The following GRID2 variants were observed in gnomAD, a reference collection of about 807,000 sequenced individuals.
The protein encoded by GRID2 is glutamate receptor ionotropic, delta-2.
A neutral mutation model predicts 114.8 loss-of-function variants in GRID2; 33 were observed. The observed-to-expected ratio is 0.29, with a 90% CI of 0.22 to 0.38. The LOEUF is 0.38. Ranked by LOEUF, GRID2 falls within the 10% of genes least tolerant of loss-of-function variation. The pLI is 1.00. For missense variants in GRID2, 1,184 were observed against 1,257.7 expected (o/e 0.94, Z 0.89); for synonymous variants, 505 against 449.9 (o/e 1.12, Z -1.55).
At chr4:93,084,714 T>A (rs1730177400) in intron 2 of GRID2, among the ~76,000 whole-genome samples, 2 of 152,202 alleles carry the variant, frequency 1.3e-5, no homozygotes, top group South Asian at 4.1e-4. Flanking sequence ...CTTGCAATAA[T>A]CCTGCGAGAT....
chr4:93,335,752 G>A (rs543648945), intron 8 of GRID2, among the ~76,000 whole-genome samples: 182 of 146,426 alleles, frequency 1.2e-3, no homozygotes, highest in African/African-American at 4.3e-3. Context: ...CTGCAGTGCA[G>A]TGGCATGACA....
At chr4:93,208,326 A>G (rs552804431) in intron 5 of GRID2, among the ~76,000 whole-genome samples, 1 of 152,074 alleles carries the variant, frequency 6.6e-6, no homozygotes, top group East Asian at 1.9e-4. Context: ...CTTAACATGG[A>G]TATCAGCTTC....
intron 8 of GRID2, among the ~76,000 whole-genome samples, chr4:93,365,664 C>A (rs1457796707): frequency 6.6e-6 from 1 of 152,094 alleles, no homozygotes. Flanking sequence ...AATAAGAGAA[C>A]AAAGTCTCTG....
Position 92,928,375 on chromosome 4 carries a change from A to G in GRID2, c.245-156620A>G, listed in dbSNP as rs539000766. 2.0e-5 allele frequency among the ~76,000 whole-genome samples: 3 copies of G among 151,826 alleles called. No homozygotes were observed. The South Asian group carries it at 6.2e-4, about 31-fold the overall frequency. ...TCATGATATTTAGAAGTAGATATGT[A>G]GAGAATGTAGTCAACTCAGCAATAA... On this transcript the variant is annotated intron_variant, in intron 2 of 15. Transcript: ENST00000282020.
intron 2 of GRID2, among the ~76,000 whole-genome samples, chr4:92,637,855 C>A (rs1467995333): frequency 6.6e-6 from 1 of 151,918 alleles, no homozygotes; most frequent in African/African-American, 2.4e-5. Flanking sequence ...GGACAAGAGT[C>A]CATGTTTTCA....
At position 92,448,750 on chromosome 4, in the gene GRID2, A is replaced by T. The variant is rs1733600676; in HGVS notation, c.89-141381A>T. Among the ~76,000 whole-genome samples the T allele has an allele frequency of 3.9e-5, 6 of 152,282 alleles. No individual in the cohort carries two copies. The South Asian group carries it at 1.0e-3, about 26-fold the overall frequency. ...ATTAAAATCAAATAAATGAGGTAAA[A>T]ATTATGTAAGATATATTTGGGTAAA... is the stretch of plus-strand genomic sequence containing the variant. On this transcript the variant is annotated intron_variant, in intron 1 of 15. Transcript: ENST00000282020.
intron 4 of GRID2, among the ~76,000 whole-genome samples, chr4:93,111,416 C>T (rs1201499854): frequency 6.6e-6 from 1 of 152,028 alleles, no homozygotes; most frequent in Admixed American, 6.6e-5. Context: ...AACTTTGTAC[C>T]AACACAAATA....
chr4:93,386,426 TA>T (rs997112611), intron 8 of GRID2, among the ~76,000 whole-genome samples: 3 of 152,166 alleles, frequency 2.0e-5, no homozygotes, highest in African/African-American at 7.2e-5. Context: ...TCAGTAAATA[TA>T]AACCACCATT....
chr4:93,228,934 G>A (rs1561014031), intron 7 of GRID2, among the ~76,000 whole-genome samples: 1 of 152,064 alleles, frequency 6.6e-6, no homozygotes, highest in African/African-American at 2.4e-5. Context: ...ATTGCTGTTA[G>A]AAAATTTATA....
chr4:92,567,990 C>T (rs1727418161), intron 1 of GRID2, among the ~76,000 whole-genome samples: 1 of 151,812 alleles, frequency 6.6e-6, no homozygotes, highest in Admixed American at 6.6e-5. Context: ...GCCATATAAA[C>T]TATGAAGTAA....
chr4:92,330,020 A>AGAGAGAGG (rs1726799414), intron 1 of GRID2, among the ~76,000 whole-genome samples: 1 of 151,252 alleles, frequency 6.6e-6, no homozygotes, highest in Non-Finnish European at 1.5e-5. Flanking sequence ...AGAGAGAGAG[A>AGAGAGAGG]GAGAGAAACA....
At chr4:92,325,969 A>G (rs1245227488) in intron 1 of GRID2, among the ~76,000 whole-genome samples, 11 of 151,748 alleles carry the variant, frequency 7.2e-5, no homozygotes, top group Non-Finnish European at 4.4e-5. Flanking sequence ...TATATACTGT[A>G]CTGAAAAGTT....
At chr4:93,441,622 A>G (rs947097498) in intron 10 of GRID2, among the ~76,000 whole-genome samples, 4 of 151,990 alleles carry the variant, frequency 2.6e-5, no homozygotes, top group Non-Finnish European at 1.5e-5. Context: ...CTAGCAATCA[A>G]TGTTCCAACC....
intron 1 of GRID2, among the ~76,000 whole-genome samples, chr4:92,308,423 A>G (rs1725524549): frequency 6.6e-6 from 1 of 152,162 alleles, no homozygotes; most frequent in African/African-American, 2.4e-5. Flanking sequence ...GTCATAGTAA[A>G]ATACCTTATG....
chr4:92,879,684 C>A (rs1452278626), intron 2 of GRID2, among the ~76,000 whole-genome samples: 1 of 152,222 alleles, frequency 6.6e-6, no homozygotes, highest in Non-Finnish European at 1.5e-5. Context: ...ACTAATCAAT[C>A]ATTTATTAAT....
At chr4:92,628,252 T>C (rs1579715991) in intron 2 of GRID2, among the ~76,000 whole-genome samples, 1 of 152,104 alleles carries the variant, frequency 6.6e-6, no homozygotes, top group African/African-American at 2.4e-5. Flanking sequence ...CTCCCACTTA[T>C]TTTCTCCAGA....
intron 1 of GRID2, among the ~76,000 whole-genome samples, chr4:92,454,276 A>G (rs1452435616): frequency 6.6e-6 from 1 of 152,156 alleles, no homozygotes; most frequent in Non-Finnish European, 1.5e-5. Context: ...ATTATTCATT[A>G]CCTGATCAGC....
intron 2 of GRID2, among the ~76,000 whole-genome samples, chr4:92,788,382 A>G (rs1446071262): frequency 6.6e-6 from 1 of 151,910 alleles, no homozygotes; most frequent in Non-Finnish European, 1.5e-5. Flanking sequence ...TTGATAGAGA[A>G]TTGAAAGAAA....
chr4:93,486,868 C>T (rs538692246), intron 11 of GRID2, among the ~76,000 whole-genome samples: 136 of 151,666 alleles, frequency 9.0e-4, no homozygotes, highest in Non-Finnish European at 1.0e-3. Flanking sequence ...TAGTGTCTTG[C>T]TTTTTTCTAA....
Sources: allele counts gnomAD v4.1 joint callset (sites outside exome capture counted in the v4.1 genomes callset), GRCh38; gene constraint gnomAD v4.1.1; transcripts MANE v1.5; gene names NCBI Gene and HGNC (gene_info 2026-07-23, HGNC 2026-07-21).